SH3PXD2A: variants seen among roughly 807,000 people sequenced by gnomAD.
SH3PXD2A encodes the protein SH3 and PX domains 2A, also known as SH3 and PX domain-containing protein 2A.
Under a neutral mutation model 115.2 loss-of-function variants are expected in SH3PXD2A, and 32 were observed. That is an observed-to-expected ratio of 0.28 (90% CI 0.21 to 0.37). The LOEUF (loss-of-function observed/expected upper bound fraction) is 0.37, where lower values mean the gene tolerates loss of function less well. Among genes scored for constraint, SH3PXD2A ranks in the 10% least tolerant of loss-of-function variants. SH3PXD2A has a pLI of 1.00. For synonymous variants in SH3PXD2A, 610 were observed against 629.1 expected (o/e 0.97, Z 0.45); for missense variants, 1,328 against 1,498.7 (o/e 0.89, Z 1.88).
chr10:103,649,804 G>C (rs1026343141), intron 8 of SH3PXD2A, among the ~76,000 whole-genome samples: 2 of 152,210 alleles, frequency 1.3e-5, no homozygotes, highest in African/African-American at 4.8e-5. Flanking sequence ...AGAAACACCA[G>C]AGCTGGATGC....
Position 103,627,263 on chromosome 10 carries a change from G to C in SH3PXD2A, c.605-61C>G, listed in dbSNP as rs1024023521. ...TTCTGCAGGGTGGCAGGGGTGGCTC[G>C]GGGGCCAGGACAAGGATGGAAGGAG... On this transcript the variant is annotated intron_variant, in intron 8 of 14. Transcript: ENST00000369774. This position sits in a 1 kb window ranked among gnomAD's most constrained non-coding sequence, Gnocchi z 4.4. 2 of 989,172 alleles carry C rather than the reference G, an allele frequency of 2.0e-6. No homozygotes were observed. The highest frequency in any genetic ancestry group is 2.6e-5 in the South Asian group (2 of 75,922). 61.3% of individuals were successfully genotyped at this position (989,172 alleles called of 1,614,324 possible).
intron 13 of SH3PXD2A, among the ~76,000 whole-genome samples, chr10:103,607,752 C>T (rs1390775401): frequency 2.0e-5 from 3 of 152,076 alleles, no homozygotes; most frequent in African/African-American, 4.8e-5. Flanking sequence ...GGATGGTTGC[C>T]GCGTCTGTGT....
intron 6 of SH3PXD2A, chr10:103,678,153 T>C: frequency 2.3e-6 from 3 of 1,289,150 alleles, no homozygotes; most frequent in Non-Finnish European, 3.0e-6. Context: ...GACCCGTTCA[T>C]GTGTAATGTC....
At chr10:103,696,496 C>G (rs964729331) in intron 5 of SH3PXD2A, among the ~76,000 whole-genome samples, 3 of 152,118 alleles carry the variant, frequency 2.0e-5, no homozygotes, top group Admixed American at 1.3e-4. Context: ...AAGAACCCCC[C>G]CTCTTCCCAT....
chr10:103,630,147 G>A (rs935710114), intron 8 of SH3PXD2A, among the ~76,000 whole-genome samples: 2 of 152,244 alleles, frequency 1.3e-5, no homozygotes, highest in Non-Finnish European at 2.9e-5. Flanking sequence ...TGATGCCCAG[G>A]CCACCATGGT....
intron 4 of SH3PXD2A, among the ~76,000 whole-genome samples, chr10:103,727,918 T>C (rs528381417): frequency 1.4e-4 from 22 of 152,338 alleles, no homozygotes; most frequent in African/African-American, 5.3e-4. Flanking sequence ...GAGAGAGTGA[T>C]GCTGAGCAGT....
chr10:103,655,411 G>A (rs1428079935), intron 8 of SH3PXD2A, among the ~76,000 whole-genome samples: 1 of 152,174 alleles, frequency 6.6e-6, no homozygotes, highest in African/African-American at 2.4e-5. Flanking sequence ...AATTATAATA[G>A]TAATCAGGTG....
At chr10:103,781,089 C>T (rs2038927613) in intron 2 of SH3PXD2A, among the ~76,000 whole-genome samples, 1 of 152,220 alleles carries the variant, frequency 6.6e-6, no homozygotes, top group South Asian at 2.1e-4. Flanking sequence ...CTATGCTTAC[C>T]ATACTGGACT....
chr10:103,660,290 A>AGGGACAC (rs2037274555), intron 8 of SH3PXD2A, among the ~76,000 whole-genome samples: 4 of 151,326 alleles, frequency 2.6e-5, no homozygotes, highest in African/African-American at 9.7e-5. Flanking sequence ...ACCTGCCATG[A>AGGGACAC]CTCCTGCTGC....
intron 1 of SH3PXD2A, among the ~76,000 whole-genome samples, chr10:103,822,627 G>T (rs980930493): frequency 3.9e-5 from 6 of 152,210 alleles, no homozygotes; most frequent in African/African-American, 1.4e-4. Context: ...CTCTTCCCAG[G>T]GAGGGTGAAG....
intron 1 of SH3PXD2A, among the ~76,000 whole-genome samples, chr10:103,847,458 C>T (rs974520665): frequency 2.6e-5 from 4 of 152,118 alleles, no homozygotes; most frequent in Non-Finnish European, 4.4e-5. Context: ...GAACTACAGG[C>T]GCATGCCTCC....
rs1842929813 is a variant in SH3PXD2A at position 103,855,182 on chromosome 10, G to C, written c.72+13C>G. On this transcript the variant is annotated intron_variant, in intron 1 of 14. Coordinates refer to ENST00000369774, the MANE Select transcript of SH3PXD2A (RefSeq NM_001394015.1). ...GGGCCACCCCCAGCAGGGTCGGCGG[G>C]GGCTGTACTCACGTAGTGCTTGGAG... 1.3e-6 allele frequency: 2 copies of C among 1,527,280 alleles called. No individual in the cohort carries two copies. The highest frequency in any genetic ancestry group is 4.1e-5 in the Admixed American group (2 of 48,254). The allele number at this position is 1,527,280 out of a possible 1,614,324, so 94.6% of individuals were successfully genotyped here.
intron 5 of SH3PXD2A, among the ~76,000 whole-genome samples, chr10:103,699,854 T>A (rs1356903572): frequency 6.6e-6 from 1 of 152,228 alleles, no homozygotes; most frequent in Non-Finnish European, 1.5e-5. Context: ...GACCCCATTG[T>A]GACCATGTGG....
chr10:103,677,810 T>C (rs1280092006), intron 6 of SH3PXD2A, among the ~76,000 whole-genome samples: 3 of 152,126 alleles, frequency 2.0e-5, no homozygotes, highest in African/African-American at 7.2e-5. Flanking sequence ...CAGTGGCTGA[T>C]GGAAAGATGA....
chr10:103,653,074 G>A (rs529937103), intron 8 of SH3PXD2A, among the ~76,000 whole-genome samples: 16 of 152,204 alleles, frequency 1.1e-4, no homozygotes, highest in African/African-American at 3.6e-4. Flanking sequence ...CCTCCCTGCT[G>A]CTGACGTCTC....
chr10:103,639,575 A>C (rs1233078700), intron 8 of SH3PXD2A, among the ~76,000 whole-genome samples: 1 of 147,200 alleles, frequency 6.8e-6, no homozygotes, highest in South Asian at 2.1e-4. Flanking sequence ...GTGCCACTGC[A>C]CTCCAGCCTG....
chr10:103,816,906 C>T (rs115840009), intron 1 of SH3PXD2A, among the ~76,000 whole-genome samples: 2,841 of 151,984 alleles, frequency 0.019, 103 homozygotes, highest in African/African-American at 0.065. Flanking sequence ...GGTGCCATTA[C>T]TGCAACCTCC....
In SH3PXD2A at chr10:103,597,917, C is replaced by T. The variant is rs1201556910; in HGVS notation, c.*3899G>A. 3 of 152,396 alleles carry T rather than the reference C, an allele frequency of 2.0e-5. No individual in the cohort carries two copies. Among genetic ancestry groups the T allele is most frequent in the Non-Finnish European group, 2.9e-5 (2 of 68,028 alleles). The allele number at this position is 152,396 out of a possible 1,614,324, so 9.4% of individuals were successfully genotyped here. A position where few individuals can be genotyped will look rare whatever the true frequency, so the allele number is the denominator to read the frequency against. The stretch of plus-strand genomic sequence containing the variant: ...TTTTTCCCCTTATTAAAAACAAGAA[C>T]TACCAAACCAAGGTCTAAACTTAAA... On this transcript the variant is annotated 3_prime_UTR_variant, in exon 15 of 15. Transcript: ENST00000369774.
Position 103,668,720 on chromosome 10 carries a change from CAGG to C in SH3PXD2A, c.428-71_428-69del, listed in dbSNP as rs200905891. The C allele has an allele frequency of 1.1e-3, 1,600 of 1,428,586 alleles. 11 individuals are homozygous for C. The African/African-American group carries it at 0.018, about 16-fold the overall frequency. The allele number at this position is 1,428,586 out of a possible 1,614,324, so 88.5% of individuals were successfully genotyped here. On this transcript the variant is annotated intron_variant, in intron 6 of 14. Transcript: ENST00000369774. ...CAGAGAGAGAGAACGGTTAGGCAGG[CAGG>C]AGGTCCACAGTGAGTGGCTGCAGGC... is the stretch of plus-strand genomic sequence containing the variant.
Sources: gnomAD v4.1 joint callset for allele counts (sites outside exome capture counted in the v4.1 genomes callset) on GRCh38, gnomAD v4.1.1 for gene constraint, Gnocchi (gnomAD v3.1) non-coding constraint, MANE v1.5 for transcripts, NCBI Gene and HGNC (gene_info 2026-07-23, HGNC 2026-07-21) for gene names.